Variants in SYT16 observed in about 807,000 individuals in gnomAD.
SYT16 encodes synaptotagmin-16.
In SYT16, 42 loss-of-function variants were observed where a neutral mutation model predicts 61.4. That is an observed-to-expected ratio of 0.68 (90% CI 0.53 to 0.89). The LOEUF is 0.89. Ranked by LOEUF, SYT16 falls within the 40% of genes least tolerant of loss-of-function variation. The pLI is 0.00. For synonymous variants in SYT16, 314 were observed against 302.3 expected, an observed-to-expected ratio of 1.04 and a Z score of -0.40; for missense variants, 804 against 807.3, an observed-to-expected ratio of 1.00 and a Z score of 0.05.
intron 3 of SYT16, among the ~76,000 whole-genome samples, chr14:62,054,302 T>C (rs921227634): frequency 7.3e-6 from 1 of 136,072 alleles, no homozygotes; most frequent in African/African-American, 3.5e-5. Flanking sequence ...ATCTACAGAT[T>C]GTATGATTTT....
intron 1 of SYT16, among the ~76,000 whole-genome samples, chr14:61,868,021 A>T (rs746736479): frequency 3.3e-5 from 5 of 151,958 alleles, no homozygotes; most frequent in Non-Finnish European, 5.9e-5. Context: ...ACTTGTTCTT[A>T]TGTATTACCT....
intron 1 of SYT16, among the ~76,000 whole-genome samples, chr14:61,841,853 C>A (rs2046309974): frequency 6.6e-6 from 1 of 152,074 alleles, no homozygotes; most frequent in Non-Finnish European, 1.5e-5. Context: ...TGATTTCATT[C>A]TTTTTTATGG....
intron 7 of SYT16, among the ~76,000 whole-genome samples, chr14:62,086,431 G>A (rs1315741277): frequency 6.6e-6 from 1 of 152,148 alleles, no homozygotes; most frequent in Non-Finnish European, 1.5e-5. Flanking sequence ...AGTGAGCCAA[G>A]ATTGCACCAC....
intron 2 of SYT16, among the ~76,000 whole-genome samples, chr14:61,983,399 T>C (rs991274358): frequency 7.2e-5 from 11 of 152,210 alleles, no homozygotes; most frequent in African/African-American, 2.7e-4. Context: ...ATGACAGGTA[T>C]TATTTGAAGT....
chr14:62,084,542 G>T (rs1209914096), intron 7 of SYT16, among the ~76,000 whole-genome samples, 157 bp downstream of exon 7: 2 of 152,092 alleles, frequency 1.3e-5, no homozygotes, highest in South Asian at 2.1e-4. Context: ...TTTTTAAATG[G>T]CTCTCTATTT....
At chr14:61,910,343 A>G (rs2048882663) in intron 1 of SYT16, among the ~76,000 whole-genome samples, 1 of 151,192 alleles carries the variant, frequency 6.6e-6, no homozygotes, top group Non-Finnish European at 1.5e-5. Flanking sequence ...GGTTCAAGCA[A>G]TTCTCCTGCC....
chr14:61,966,917 T>C (rs1240675856), intron 1 of SYT16, among the ~76,000 whole-genome samples: 2 of 152,192 alleles, frequency 1.3e-5, no homozygotes, highest in Non-Finnish European at 2.9e-5. Context: ...AACAAATTAT[T>C]TATTGAATGT....
At chr14:62,027,732 A>G (rs2054155740) in intron 3 of SYT16, among the ~76,000 whole-genome samples, 1 of 152,158 alleles carries the variant, frequency 6.6e-6, no homozygotes, top group South Asian at 2.1e-4. Context: ...TGACCTGCCC[A>G]TTGAATCAGA....
At chr14:62,086,517 A>C (rs1031333915) in intron 7 of SYT16, among the ~76,000 whole-genome samples, 4 of 152,112 alleles carry the variant, frequency 2.6e-5, no homozygotes, top group African/African-American at 7.2e-5. Flanking sequence ...AACAAACAAA[A>C]AATTGTGTTA....
At position 61,844,810 on chromosome 14, in the gene SYT16, T is replaced by C. The variant is rs1375817474; in HGVS notation, c.-325+32000T>C. Among the ~76,000 whole-genome samples the C allele has an allele frequency of 2.0e-5, 3 of 152,304 alleles. No individual in the cohort carries two copies. In the East Asian group the frequency reaches 5.8e-4, roughly 29 times the overall value. Reference sequence around the variant, plus strand: ...TAATATTTTGTTGAGGACCTTTGCATCAATATTCATCAGAGATATTGGGCT... The same window carrying C: ...TAATATTTTGTTGAGGACCTTTGCACCAATATTCATCAGAGATATTGGGCT... On this transcript the variant is annotated intron_variant, in intron 1 of 7. Coordinates refer to ENST00000683842, the MANE Select transcript of SYT16 (RefSeq NM_001367656.1).
chr14:61,857,156 C>T (rs530679620), intron 1 of SYT16, among the ~76,000 whole-genome samples: 4 of 152,290 alleles, frequency 2.6e-5, no homozygotes, highest in South Asian at 4.1e-4. Flanking sequence ...GTGGGGTCAG[C>T]TCCACTGAGA....
At chr14:62,052,163 T>C (rs534590385) in intron 3 of SYT16, among the ~76,000 whole-genome samples, 1 of 152,220 alleles carries the variant, frequency 6.6e-6, no homozygotes, top group African/African-American at 2.4e-5. Context: ...TTTATCATAT[T>C]AGTTTTTCAA....
At chr14:62,061,131 A>G (rs2140918110) in intron 3 of SYT16, among the ~76,000 whole-genome samples, 1 of 152,228 alleles carries the variant, frequency 6.6e-6, no homozygotes, top group South Asian at 2.1e-4. Flanking sequence ...GTGGTATAAT[A>G]TTGTATAATG....
rs757299979 is a variant in SYT16 at position 61,996,202 on chromosome 14, G to C, written c.183G>C (p.Gln61His). The stretch of plus-strand genomic sequence containing the variant: ...TAGATCAGGACTTAGATAATATTCA[G>C]ATTCAGGAAACGTACTTTGAAGATG... ...DKLDQDLDNI[Q>H]IQETYFEDEE... Residue 61 changes from glutamine (Q) to histidine (H), a missense_variant, in exon 3 of 8, where the codon CAG (glutamine) becomes CAC (histidine). Gln to His is a conservative substitution (Grantham distance 24). Coordinates refer to ENST00000683842, the MANE Select transcript of SYT16 (RefSeq NM_001367656.1). The C allele has an allele frequency of 4.3e-6, 7 of 1,613,416 alleles. No homozygotes were observed. The Admixed American group carries it at 1.2e-4, about 27-fold the overall frequency.
At chr14:61,828,557 C>T (rs1052209323) in intron 1 of SYT16, among the ~76,000 whole-genome samples, 1 of 152,208 alleles carries the variant, frequency 6.6e-6, no homozygotes, top group Non-Finnish European at 1.5e-5. Context: ...TCTGACTTGA[C>T]AGTTGCTTTA....
chr14:62,084,719 CTCTGGCTTTGGAGTAAGGCAGA>C lies in SYT16; in HGVS notation c.1624+340_1624+361del, dbSNP rs1470898535. Among the ~76,000 whole-genome samples, 3 of 152,178 alleles carry C rather than the reference CTCTGGCTTTGGAGTAAGGCAGA, an allele frequency of 2.0e-5. No homozygotes were observed. The South Asian group carries it at 6.2e-4, about 32-fold the overall frequency. On this transcript the variant is annotated intron_variant, in intron 7 of 7. Transcript: ENST00000683842. ...GGCCCTCAACTTTAAAGAAAAAGAG[CTCTGGCTTTGGAGTAAGGCAGA>C]TCTGGGATTGAATTCCAGCTTTACC...
At chr14:62,065,809 G>C (rs956570670) in intron 3 of SYT16, among the ~76,000 whole-genome samples, 3 of 152,088 alleles carry the variant, frequency 2.0e-5, no homozygotes, top group Non-Finnish European at 4.4e-5. Flanking sequence ...TATATGCATT[G>C]GTCCATCGCA....
chr14:61,817,385 TGCA>T lies in SYT16; in HGVS notation c.-325+4578_-325+4580del, dbSNP rs369152624. ...GTGAGCTGAGATCACGCCATTGCACTGCAGCCTGGGCAACAAGAGCAAAACTCC... is the reference window on the plus strand; with the variant it reads ...GTGAGCTGAGATCACGCCATTGCACTGCCTGGGCAACAAGAGCAAAACTCC... On this transcript the variant is annotated intron_variant, in intron 1 of 7. Transcript: ENST00000683842. Among the ~76,000 whole-genome samples, 145 of 146,602 alleles carry T rather than the reference TGCA, an allele frequency of 9.9e-4. 3 individuals are homozygous for T. The South Asian group carries it at 0.031, about 31-fold the overall frequency.
chr14:61,945,049 A>C (rs1470075839), intron 1 of SYT16, among the ~76,000 whole-genome samples: 3 of 152,162 alleles, frequency 2.0e-5, no homozygotes, highest in Admixed American at 2.0e-4. Context: ...AAGAAAAAAA[A>C]CAACCCCATC....
Sources: gnomAD v4.1 joint callset for allele counts (sites outside exome capture counted in the v4.1 genomes callset) on GRCh38, gnomAD v4.1.1 for gene constraint, MANE v1.5 for transcripts, NCBI Gene and HGNC (gene_info 2026-07-23, HGNC 2026-07-21) for gene names.